RBFOX1: variants seen among roughly 807,000 people sequenced by gnomAD.
The protein encoded by RBFOX1 is RNA binding fox-1 homolog 1, also known as RNA binding protein fox-1 homolog 1.
In RBFOX1, 8 loss-of-function variants were observed where a neutral mutation model predicts 57.7. The observed-to-expected ratio is 0.14, with a 90% CI of 0.08 to 0.25. The LOEUF is 0.25. Among genes scored for constraint, RBFOX1 ranks in the 10% least tolerant of loss-of-function variants. The probability of loss-of-function intolerance (pLI) is 1.00; values close to 1 mark genes in which losing one functional copy is unlikely to be tolerated. For synonymous variants in RBFOX1, 326 were observed against 222.4 expected (o/e 1.47, Z -4.15); for missense variants, 611 against 548.5 (o/e 1.11, Z -1.14).
chr16:7,185,399 A>G (rs772404736), intron 4 of RBFOX1, among the ~76,000 whole-genome samples: 1 of 152,120 alleles, frequency 6.6e-6, no homozygotes, highest in East Asian at 1.9e-4. Flanking sequence ...TTTGACAGAG[A>G]TGGATTACAT....
chr16:6,286,366 T>G (rs1378172094), intron 1 of RBFOX1, among the ~76,000 whole-genome samples: 1 of 139,204 alleles, frequency 7.2e-6, no homozygotes, highest in African/African-American at 3.2e-5. Flanking sequence ...GTGTGAGAAC[T>G]TTTAAAATCA....
chr16:7,126,119 T>C (rs1158736471), intron 4 of RBFOX1, among the ~76,000 whole-genome samples: 1 of 152,180 alleles, frequency 6.6e-6, no homozygotes, highest in East Asian at 1.9e-4. Context: ...AAAGTTTACA[T>C]GAATGAGCTT....
chr16:5,720,122 T>A (rs1294158632), intron 3 of RBFOX1, among the ~76,000 whole-genome samples: 1 of 152,146 alleles, frequency 6.6e-6, no homozygotes, highest in Non-Finnish European at 1.5e-5. Context: ...TCTTAGTGAG[T>A]GTGAAGTAGT....
At chr16:7,234,365 T>C (rs2093660214) in intron 4 of RBFOX1, among the ~76,000 whole-genome samples, 1 of 152,112 alleles carries the variant, frequency 6.6e-6, no homozygotes, top group Admixed American at 6.5e-5. Flanking sequence ...TTGGTTTTGG[T>C]TCCACCCCTT....
At chr16:5,572,384 C>G (rs1414009061) in intron 2 of RBFOX1, among the ~76,000 whole-genome samples, 3 of 152,210 alleles carry the variant, frequency 2.0e-5, no homozygotes, top group African/African-American at 7.2e-5. Context: ...AGGCCACTAA[C>G]AGTATATTCT....
At chr16:6,229,593 G>T (rs942176611) in intron 1 of RBFOX1, among the ~76,000 whole-genome samples, 6 of 151,990 alleles carry the variant, frequency 3.9e-5, no homozygotes. Context: ...AATAGAGTAT[G>T]AGCTAATAGT....
chr16:7,088,967 G>C (rs1054184102), intron 4 of RBFOX1, among the ~76,000 whole-genome samples: 3 of 152,112 alleles, frequency 2.0e-5, no homozygotes, highest in African/African-American at 7.2e-5. Flanking sequence ...AACTCTCTTT[G>C]CTGTAAAGGA....
At chr16:5,376,328 G>C (rs28716269) in intron 1 of RBFOX1, among the ~76,000 whole-genome samples, 2,173 of 152,234 alleles carry the variant, frequency 0.014, 54 homozygotes, top group African/African-American at 0.05. Flanking sequence ...TGTTGTTGCT[G>C]TTATTCCTGC....
At chr16:6,302,476 C>T (rs1023185497) in intron 1 of RBFOX1, among the ~76,000 whole-genome samples, 12 of 152,182 alleles carry the variant, frequency 7.9e-5, no homozygotes, top group African/African-American at 2.2e-4. Flanking sequence ...ATATCCCCTT[C>T]GACTAGATGG....
chr16:5,446,141 C>T (rs2068231934), intron 1 of RBFOX1, among the ~76,000 whole-genome samples: 1 of 152,090 alleles, frequency 6.6e-6, no homozygotes, highest in Non-Finnish European at 1.5e-5. Flanking sequence ...CAAATTTTAC[C>T]ATGGAAGTAA....
chr16:5,587,119 C>G (rs964411650), intron 2 of RBFOX1, among the ~76,000 whole-genome samples: 1 of 152,108 alleles, frequency 6.6e-6, no homozygotes, highest in African/African-American at 2.4e-5. Context: ...CTGACATGAC[C>G]AAGATGCTTT....
chr16:6,725,504 T>C (rs1204154737), intron 3 of RBFOX1, among the ~76,000 whole-genome samples: 1 of 151,984 alleles, frequency 6.6e-6, no homozygotes, highest in African/African-American at 2.4e-5. Context: ...GAACCCTCAG[T>C]TTTGGGAATT....
At chr16:5,869,990 T>C (rs2057429143) in intron 4 of RBFOX1, among the ~76,000 whole-genome samples, 1 of 151,818 alleles carries the variant, frequency 6.6e-6, no homozygotes, top group Non-Finnish European at 1.5e-5. Flanking sequence ...AATACAGCAA[T>C]CAAAAAATAT....
intron 2 of RBFOX1, among the ~76,000 whole-genome samples, chr16:6,530,500 A>G (rs575411101): frequency 6.6e-6 from 1 of 152,308 alleles, no homozygotes; most frequent in African/African-American, 2.4e-5. Context: ...ATGCATAACT[A>G]TCACAGATAC....
At chr16:5,375,838 C>T (rs1436361094) in intron 1 of RBFOX1, among the ~76,000 whole-genome samples, 1 of 152,074 alleles carries the variant, frequency 6.6e-6, no homozygotes, top group Non-Finnish European at 1.5e-5. Flanking sequence ...TCATAAGTGC[C>T]CTTTGCGATA....
chr16:5,404,431 G>A (rs970180054), intron 1 of RBFOX1, among the ~76,000 whole-genome samples: 1 of 152,136 alleles, frequency 6.6e-6, no homozygotes, highest in African/African-American at 2.4e-5. Flanking sequence ...AATCTGAGAG[G>A]CCACTGTCAC....
intron 4 of RBFOX1, among the ~76,000 whole-genome samples, chr16:5,943,913 C>G (rs1191319490): frequency 6.6e-6 from 1 of 151,832 alleles, no homozygotes; most frequent in Admixed American, 6.6e-5. Context: ...ATCCATCCAT[C>G]CACTCCTCCT....
chr16:5,983,526 G>A (rs2060215481), intron 4 of RBFOX1, among the ~76,000 whole-genome samples: 1 of 152,180 alleles, frequency 6.6e-6, no homozygotes, highest in South Asian at 2.1e-4. Flanking sequence ...AAACCGCACA[G>A]CCCAGTTCGG....
intron 4 of RBFOX1, among the ~76,000 whole-genome samples, chr16:7,510,512 GGCGCGC>G (rs1198013329): frequency 7.7e-6 from 1 of 130,134 alleles, no homozygotes; most frequent in African/African-American, 3.1e-5. Flanking sequence ...TGTGTGTGTG[GGCGCGC>G]GCGCACGCGC....
Sources: gnomAD v4.1 joint callset for allele counts (sites outside exome capture counted in the v4.1 genomes callset) on GRCh38, gnomAD v4.1.1 for gene constraint, MANE v1.5 for transcripts, NCBI Gene and HGNC (gene_info 2026-07-23, HGNC 2026-07-21) for gene names.